ASAP2: variants seen among roughly 807,000 people sequenced by gnomAD.
ASAP2 encodes the protein ArfGAP with SH3 domain, ankyrin repeat and PH domain 2.
ASAP2 carries 45 observed loss-of-function variants against 131.4 expected under a neutral mutation model. The ratio of observed to expected loss-of-function variants is 0.34; its 90% confidence interval spans 0.27 to 0.44. ASAP2 has a LOEUF of 0.44. Among genes scored for constraint, ASAP2 ranks in the 20% least tolerant of loss-of-function variants. The pLI is 1.00. For synonymous variants in ASAP2, 510 were observed against 503.0 expected (o/e 1.01, Z -0.19); for missense variants, 1,011 against 1,297.0 (o/e 0.78, Z 3.39).
At chr2:9,224,853 A>G (rs1224026365) in intron 1 of ASAP2, among the ~76,000 whole-genome samples, 1 of 152,194 alleles carries the variant, frequency 6.6e-6, no homozygotes, top group Non-Finnish European at 1.5e-5. Context: ...AGAGTGCTCT[A>G]CATCTGGGAA....
chr2:9,345,630 T>C (rs1558351442), intron 11 of ASAP2, among the ~76,000 whole-genome samples: 1 of 152,094 alleles, frequency 6.6e-6, no homozygotes, highest in Admixed American at 6.6e-5. Flanking sequence ...GAGGGTTGTT[T>C]GCATTCCCAT....
At position 9,207,761 on chromosome 2, in the gene ASAP2, G is replaced by T. The variant is rs751095309; in HGVS notation, c.126+531G>T. 5.9e-5 allele frequency among the ~76,000 whole-genome samples: 9 copies of T among 152,116 alleles called. No homozygotes were observed. The highest frequency in any genetic ancestry group is 7.4e-5 in the Non-Finnish European group (5 of 67,990). On this transcript the variant is annotated intron_variant, in intron 1 of 27. Coordinates refer to ENST00000281419, the MANE Select transcript of ASAP2 (RefSeq NM_003887.3). The surrounding 1 kb of genome is among the most constrained non-coding windows in gnomAD (Gnocchi z 4.1). ...CCGCCTCAGCCAGGGCGGCCTGGCT[G>T]CGCTCCACCCGTGCCCGGAGAAGGA...
chr2:9,279,308 A>G lies in ASAP2; in HGVS notation c.127-9A>G, dbSNP rs1666972112. ...ACACGGTTTAATGACTGTATTCTCTACATTTTAGGCTTTGGACGTGGACCG... is the reference window on the plus strand; with the variant it reads ...ACACGGTTTAATGACTGTATTCTCTGCATTTTAGGCTTTGGACGTGGACCG... On this transcript the variant is annotated splice_polypyrimidine_tract_variant and intron_variant, in intron 1 of 27. Transcript: ENST00000281419. 6.2e-7 allele frequency: 1 copy of G among 1,613,600 alleles called. No individual in the cohort carries two copies. Among genetic ancestry groups the G allele is most frequent in the East Asian group, 2.2e-5 (1 of 44,872 alleles).
At chr2:9,370,516 A>G (rs900343777) in intron 16 of ASAP2, among the ~76,000 whole-genome samples, 1 of 152,234 alleles carries the variant, frequency 6.6e-6, no homozygotes, top group African/African-American at 2.4e-5. Context: ...CAGTAGGGAC[A>G]TAGATATCTC....
chr2:9,374,376 C>T (rs1674218347), intron 16 of ASAP2, among the ~76,000 whole-genome samples: 1 of 152,190 alleles, frequency 6.6e-6, no homozygotes, highest in African/African-American at 2.4e-5. Flanking sequence ...GCATGGAGGG[C>T]AGGGGCAGGG....
At chr2:9,292,524 A>G (rs1667882896) in intron 2 of ASAP2, among the ~76,000 whole-genome samples, 1 of 152,128 alleles carries the variant, frequency 6.6e-6, no homozygotes, top group Non-Finnish European at 1.5e-5. Flanking sequence ...TCTCAAAACA[A>G]AAACAAAAAC....
intron 12 of ASAP2, among the ~76,000 whole-genome samples, chr2:9,352,212 AACACACACAC>A (rs58275721): frequency 0.029 from 4,304 of 150,062 alleles, 84 homozygotes; most frequent in Non-Finnish European, 0.038. Flanking sequence ...AACACACACA[AACACACACAC>A]ACACACACAC....
At chr2:9,399,010 A>T (rs1226027567) in intron 24 of ASAP2, 1 of 152,206 alleles carries the variant, frequency 6.6e-6, no homozygotes, top group East Asian at 1.9e-4. Context: ...ACAGATGGAA[A>T]ACAAATGGCT....
intron 3 of ASAP2, among the ~76,000 whole-genome samples, 156 bp from the exon 4 acceptor site, chr2:9,318,368 A>G (rs1669941471): frequency 6.6e-6 from 1 of 152,228 alleles, no homozygotes; most frequent in South Asian, 2.1e-4. Context: ...AAATTGTTAC[A>G]AAGAATGTAT....
At chr2:9,347,646 C>T (rs145085728) in intron 11 of ASAP2, among the ~76,000 whole-genome samples, 1 of 152,262 alleles carries the variant, frequency 6.6e-6, no homozygotes, top group East Asian at 1.9e-4. Flanking sequence ...CCGGGAGATT[C>T]GTTCAAAGCC....
At chr2:9,287,846 A>G (rs953670749) in intron 2 of ASAP2, among the ~76,000 whole-genome samples, 1 of 152,224 alleles carries the variant, frequency 6.6e-6, no homozygotes, top group Non-Finnish European at 1.5e-5. Context: ...CGCAGTGACC[A>G]CTGCATTAGT....
intron 1 of ASAP2, among the ~76,000 whole-genome samples, chr2:9,208,155 C>T (rs1176595859): frequency 6.6e-6 from 1 of 152,186 alleles, no homozygotes; most frequent in Non-Finnish European, 1.5e-5. Flanking sequence ...GTAATGCATC[C>T]TTTCCAGGAT....
chr2:9,314,133 G>A (rs1558321521), intron 3 of ASAP2, among the ~76,000 whole-genome samples: 1 of 152,058 alleles, frequency 6.6e-6, no homozygotes, highest in Admixed American at 6.6e-5. Context: ...ACAGGCGTGC[G>A]CCACCTCGCC....
At chr2:9,262,256 T>C (rs1292360182) in intron 1 of ASAP2, among the ~76,000 whole-genome samples, 1 of 152,226 alleles carries the variant, frequency 6.6e-6, no homozygotes, top group Admixed American at 6.5e-5. Flanking sequence ...TTTTTTCTCA[T>C]TCTAAACATT....
chr2:9,262,296 A>G (rs1346262445), intron 1 of ASAP2, among the ~76,000 whole-genome samples: 16 of 152,156 alleles, frequency 1.1e-4, no homozygotes, highest in Admixed American at 1.0e-3. Context: ...TGTCGTAATG[A>G]CTGAGACGGT....
chr2:9,296,161 A>C (rs558990636), intron 2 of ASAP2, among the ~76,000 whole-genome samples: 1 of 152,304 alleles, frequency 6.6e-6, no homozygotes, highest in African/African-American at 2.4e-5. Context: ...GCCTGTAAAT[A>C]GTTGTGTTAT....
chr2:9,235,721 G>A (rs1663504515), intron 1 of ASAP2, among the ~76,000 whole-genome samples: 1 of 152,196 alleles, frequency 6.6e-6, no homozygotes, highest in Admixed American at 6.5e-5. Flanking sequence ...GGCAGAGTGA[G>A]CCGCATGGCC....
chr2:9,249,121 C>T (rs1317800207), intron 1 of ASAP2, among the ~76,000 whole-genome samples: 1 of 152,252 alleles, frequency 6.6e-6, no homozygotes, highest in Non-Finnish European at 1.5e-5. Flanking sequence ...TGGCTGAGGC[C>T]ACACAGCCAG....
At chr2:9,211,427 T>C (rs1414822049) in intron 1 of ASAP2, among the ~76,000 whole-genome samples, 1 of 152,204 alleles carries the variant, frequency 6.6e-6, no homozygotes, top group East Asian at 1.9e-4. Context: ...CTGGGCACTT[T>C]GAAATATTCT....
Sources: allele counts gnomAD v4.1 joint callset (sites outside exome capture counted in the v4.1 genomes callset), GRCh38; gene constraint gnomAD v4.1.1; non-coding constraint Gnocchi (gnomAD v3.1); transcripts MANE v1.5; gene names NCBI Gene and HGNC (gene_info 2026-07-23, HGNC 2026-07-21).